MPZL2: variants seen among roughly 807,000 people sequenced by gnomAD.
MPZL2 encodes the protein myelin protein zero-like protein 2.
Under a neutral mutation model 24.5 loss-of-function variants are expected in MPZL2, and 32 were observed. That is an observed-to-expected ratio of 1.31 (90% CI 0.99 to 1.76). The LOEUF (loss-of-function observed/expected upper bound fraction) is 1.76. Ranked by LOEUF, MPZL2 falls within the 40% of genes most tolerant of loss-of-function variation. The probability of loss-of-function intolerance (pLI) is 0.00; values close to 1 mark genes in which losing one functional copy is unlikely to be tolerated. For synonymous variants in MPZL2, 92 were observed against 97.9 expected (o/e 0.94, Z 0.36); for missense variants, 304 against 274.9 (o/e 1.11, Z -0.75).
intron 4 of MPZL2, among the ~76,000 whole-genome samples, chr11:118,259,030 T>G (rs1169380468): frequency 8.9e-6 from 1 of 112,016 alleles, no homozygotes. Flanking sequence ...AAAAAGACAA[T>G]GAGTGTTGAG....
chr11:118,258,681 G>C (rs1365742929), intron 4 of MPZL2, among the ~76,000 whole-genome samples: 1 of 152,118 alleles, frequency 6.6e-6, no homozygotes, highest in East Asian at 1.9e-4. Flanking sequence ...GCCTGGTGGA[G>C]GGTGTTTGGG....
chr11:118,256,489 A>G (rs1358325418), intron 5 of MPZL2, among the ~76,000 whole-genome samples: 1 of 152,122 alleles, frequency 6.6e-6, no homozygotes, highest in Non-Finnish European at 1.5e-5. Context: ...GTCTCTACAA[A>G]AAGTACAAAA....
Position 118,262,913 on chromosome 11 carries a change from T to C in MPZL2, c.225+18A>G, listed in dbSNP as rs1164915399. On this transcript the variant is annotated intron_variant, in intron 2 of 5. Transcript: ENST00000278937. The stretch of plus-strand genomic sequence containing the variant: ...CCCTAAACAAGAGTACCCTGGAAAA[T>C]GATGATAATCTACTTACAAACTGCT... 2 of 1,610,412 alleles carry C rather than the reference T, an allele frequency of 1.2e-6. No individual in the cohort carries two copies. The highest frequency in any genetic ancestry group is 1.7e-6 in the Non-Finnish European group (2 of 1,178,610).
chr11:118,263,359 G>T (rs990130259), intron 1 of MPZL2, among the ~76,000 whole-genome samples: 1 of 152,138 alleles, frequency 6.6e-6, no homozygotes, highest in African/African-American at 2.4e-5. Flanking sequence ...TTAAAGCCTC[G>T]CCTCGTGGTA....
chr11:118,259,467 T>C (rs1000094124), intron 4 of MPZL2: 1 of 152,170 alleles, frequency 6.6e-6, no homozygotes, highest in African/African-American at 2.4e-5. Context: ...AGCAAATCCA[T>C]AGAGACAGAA....
intron 5 of MPZL2, among the ~76,000 whole-genome samples, chr11:118,255,894 A>G (rs974328069): frequency 6.6e-6 from 1 of 152,102 alleles, no homozygotes; most frequent in African/African-American, 2.4e-5. Context: ...TGTTCACACT[A>G]TTATTCATCC....
Position 118,262,502 on chromosome 11 carries a change from C to T in MPZL2, c.372G>A (p.Gln124=). The part of the protein sequence containing the change: ...QFDDNGTYTC[Q]VKNPPDVDGV... ...CATCAACATCAGGTGGGTTCTTCAC[C>T]TGGCAGGTGTATGTCCCATTGTCGT... Residue 124 remains glutamine, a synonymous_variant, in exon 3 of 6, where the codon CAG becomes CAA. Transcript: ENST00000278937. 6.2e-7 allele frequency: 1 copy of T among 1,614,182 alleles called. No homozygotes were observed. The highest frequency in any genetic ancestry group is 8.5e-7 in the Non-Finnish European group (1 of 1,180,030).
chr11:118,261,645 G>A (rs1949701070), intron 3 of MPZL2, among the ~76,000 whole-genome samples: 1 of 152,078 alleles, frequency 6.6e-6, no homozygotes, highest in African/African-American at 2.4e-5. Context: ...ATTGATAGCT[G>A]GTAAATGGTA....
chr11:118,258,279 A>T (rs1220678267), intron 4 of MPZL2, among the ~76,000 whole-genome samples: 1 of 152,242 alleles, frequency 6.6e-6, no homozygotes, highest in East Asian at 1.9e-4. Context: ...GAGAAAAAAT[A>T]AACTGGACTT....
intron 3 of MPZL2, among the ~76,000 whole-genome samples, chr11:118,261,570 C>G (rs1248417266): frequency 6.6e-6 from 1 of 152,202 alleles, no homozygotes; most frequent in Non-Finnish European, 1.5e-5. Context: ...TTTATTATCT[C>G]ATTTTATCCT....
Position 118,263,081 on chromosome 11 carries a change from T to C in MPZL2, c.75A>G (p.Ala25=), listed in dbSNP as rs752858808. The C allele has an allele frequency of 1.2e-6, 2 of 1,613,962 alleles. No homozygotes were observed. Among genetic ancestry groups the C allele is most frequent in the Non-Finnish European group, 1.7e-6 (2 of 1,179,960 alleles). The change falls in exon 2 of 6, where the codon GCA becomes GCG. Residue 25 remains alanine, a synonymous_variant. Transcript: ENST00000278937. ...CCCGGGAGGTATAAATTTCCACAGC[T>C]GCTATAGGCCAAAGAGCTGCAATGA... ...GIQLTALWPI[A]AVEIYTSRVL... is the part of the protein sequence containing the mutation.
Sources: gnomAD v4.1 joint callset for allele counts (sites outside exome capture counted in the v4.1 genomes callset) on GRCh38, gnomAD v4.1.1 for gene constraint, MANE v1.5 for transcripts, NCBI Gene and HGNC (gene_info 2026-07-23, HGNC 2026-07-21) for gene names.